Variants in PHC3 observed in about 807,000 individuals in gnomAD.
PHC3 encodes polyhomeotic-like protein 3.
In PHC3, 13 loss-of-function variants were observed where a neutral mutation model predicts 107.4. The ratio of observed to expected loss-of-function variants is 0.12; its 90% confidence interval spans 0.08 to 0.19. The LOEUF (loss-of-function observed/expected upper bound fraction) is 0.19, where lower values mean the gene tolerates loss of function less well. Among genes scored for constraint, PHC3 ranks in the 10% least tolerant of loss-of-function variants. The pLI is 1.00. For synonymous variants in PHC3, 456 were observed against 427.4 expected, an observed-to-expected ratio of 1.07 and a Z score of -0.83; for missense variants, 992 against 1,210.9, an observed-to-expected ratio of 0.82 and a Z score of 2.68.
chr3:170,087,609 A>G lies in PHC3; in HGVS notation c.*9621T>C, dbSNP rs1043772440. The G allele has an allele frequency of 7.2e-5, 11 of 152,164 alleles. No homozygotes were observed. The highest frequency in any genetic ancestry group is 2.7e-4 in the African/African-American group (11 of 41,446). 9.4% of individuals were successfully genotyped at this position (152,164 alleles called of 1,614,324 possible). ...TCAAATGGAAGAGGCTTTTATTTGT[A>G]AAGAAATGAACTTACAACTGATCTA... On this transcript the variant is annotated 3_prime_UTR_variant, in exon 15 of 15. Transcript: ENST00000495893.
chr3:170,093,914 T>A lies in PHC3; in HGVS notation c.*3316A>T, dbSNP rs892876541. ...AAAATTATTTCTTCTAAGTAAAACA[T>A]GAATTTCACTTCAAAAGTGCAGAAA... On this transcript the variant is annotated 3_prime_UTR_variant, in exon 15 of 15. Transcript: ENST00000495893. The A allele has an allele frequency of 1.3e-5, 2 of 152,132 alleles. No homozygotes were observed. Among genetic ancestry groups the A allele is most frequent in the African/African-American group, 4.8e-5 (2 of 41,412 alleles). The allele number at this position is 152,132 out of a possible 1,614,324, so 9.4% of individuals were successfully genotyped here. A position where few individuals can be genotyped will look rare whatever the true frequency, so the allele number is the denominator to read the frequency against.
At chr3:170,137,414 C>CAA (rs1723278459) in intron 6 of PHC3, among the ~76,000 whole-genome samples, 1 of 152,034 alleles carries the variant, frequency 6.6e-6, no homozygotes, top group South Asian at 2.1e-4. Context: ...TTCCAAACAG[C>CAA]AAGATGCAAG....
intron 7 of PHC3, among the ~76,000 whole-genome samples, chr3:170,134,684 T>G (rs1722780970): frequency 6.6e-6 from 1 of 152,116 alleles, no homozygotes; most frequent in African/African-American, 2.4e-5. Flanking sequence ...CGTAAGTACG[T>G]ATAAGATACA....
chr3:170,112,572 G>A (rs1246229622), intron 11 of PHC3, among the ~76,000 whole-genome samples: 6 of 144,832 alleles, frequency 4.1e-5, no homozygotes, highest in African/African-American at 1.3e-4. Flanking sequence ...CACCCAGGCT[G>A]GAGCACAGTG....
At chr3:170,134,393 T>G (rs1722735175) in intron 7 of PHC3, among the ~76,000 whole-genome samples, 1 of 152,094 alleles carries the variant, frequency 6.6e-6, no homozygotes, top group African/African-American at 2.4e-5. Flanking sequence ...TTTCACCATG[T>G]TGGTCAGGCT....
intron 4 of PHC3, among the ~76,000 whole-genome samples, chr3:170,158,268 T>TGATCCTTAATTAAATACTCAATGC (rs1727213091): frequency 2.6e-5 from 4 of 152,166 alleles, no homozygotes; most frequent in Admixed American, 6.5e-5. Flanking sequence ...ATATTCAATG[T>TGATCCTTAATTAAATACTCAATGC]GATCCTTAAT....
At chr3:170,152,779 G>A (rs1475910199) in intron 4 of PHC3, among the ~76,000 whole-genome samples, 2 of 151,596 alleles carry the variant, frequency 1.3e-5, no homozygotes, top group Non-Finnish European at 2.9e-5. Context: ...TTCCACCTCA[G>A]CCTCCTGAGT....
chr3:170,125,272 A>C (rs980643897), intron 8 of PHC3, among the ~76,000 whole-genome samples: 1 of 152,192 alleles, frequency 6.6e-6, no homozygotes, highest in Non-Finnish European at 1.5e-5. Flanking sequence ...CAATATAGGT[A>C]AAATCATTCT....
intron 4 of PHC3, among the ~76,000 whole-genome samples, chr3:170,152,020 T>G (rs1042046702): frequency 6.6e-6 from 1 of 152,094 alleles, no homozygotes; most frequent in Non-Finnish European, 1.5e-5. Context: ...AAAAACTGTA[T>G]AGTAGGCACA....
At chr3:170,137,232 T>A (rs1290952360) in intron 6 of PHC3, among the ~76,000 whole-genome samples, 1 of 152,194 alleles carries the variant, frequency 6.6e-6, no homozygotes, top group Non-Finnish European at 1.5e-5. Flanking sequence ...GTGGTGTTAT[T>A]GAACATTCAC....
At chr3:170,160,738 T>C (rs1325081240) in intron 4 of PHC3, among the ~76,000 whole-genome samples, 1 of 152,188 alleles carries the variant, frequency 6.6e-6, no homozygotes, top group East Asian at 1.9e-4. Flanking sequence ...CTGTCTCTAC[T>C]GAAAACATAC....
At chr3:170,157,892 T>C (rs1727137979) in intron 4 of PHC3, among the ~76,000 whole-genome samples, 1 of 151,620 alleles carries the variant, frequency 6.6e-6, no homozygotes, top group African/African-American at 2.4e-5. Context: ...TATAATAAAA[T>C]AGTCAATGCA....
At position 170,118,883 on chromosome 3, in the gene PHC3, T is replaced by A. The variant is rs563355557; in HGVS notation, c.1943-1407A>T. Among the ~76,000 whole-genome samples the A allele has an allele frequency of 4.6e-5, 7 of 151,832 alleles. No homozygotes were observed. In the East Asian group the frequency reaches 1.4e-3, roughly 29 times the overall value. On this transcript the variant is annotated intron_variant, in intron 9 of 14. Transcript: ENST00000495893. Reference sequence around the variant, plus strand: ...CCTAGACTCAAGTGATCCTCCTGCCTCACCTCTCAAAGTGCAGGTATAAGC... The same window carrying A: ...CCTAGACTCAAGTGATCCTCCTGCCACACCTCTCAAAGTGCAGGTATAAGC...
At chr3:170,117,545 T>C (rs1049210948) in intron 9 of PHC3, 69 bp from the exon 10 acceptor site, 9 of 1,469,462 alleles carry the variant, frequency 6.1e-6, no homozygotes, top group Admixed American at 4.6e-5. Flanking sequence ...GAAAGAGAAT[T>C]AAGGAATAAA....
At chr3:170,141,319 TAGAG>T (rs1404478584) in intron 6 of PHC3, among the ~76,000 whole-genome samples, 1 of 152,150 alleles carries the variant, frequency 6.6e-6, no homozygotes, top group Non-Finnish European at 1.5e-5. Flanking sequence ...ACAATATCCA[TAGAG>T]AAATTCCTAA....
intron 4 of PHC3, among the ~76,000 whole-genome samples, chr3:170,157,915 T>C (rs1727142643): frequency 6.6e-6 from 1 of 151,692 alleles, no homozygotes; most frequent in South Asian, 2.1e-4. Flanking sequence ...TTTACTTATA[T>C]TAGCAAAAAG....
rs760458915 is a variant in PHC3, at chr3:170,092,868, G to C, written c.*4362C>G. The C allele has an allele frequency of 1.3e-5, 2 of 152,188 alleles. No homozygotes were observed. The highest frequency in any genetic ancestry group is 2.9e-5 in the Non-Finnish European group (2 of 68,036). The allele number at this position is 152,188 out of a possible 1,614,324, so 9.4% of individuals were successfully genotyped here. A position where few individuals can be genotyped will look rare whatever the true frequency, so the allele number is the denominator to read the frequency against. ...GTGGGTATAGAGAGTGAAAGAATGA[G>C]TCTGATTACAGGTAAATCTTGACAT... On this transcript the variant is annotated 3_prime_UTR_variant, in exon 15 of 15. Transcript: ENST00000495893.
chr3:170,102,294 T>C, intron 14 of PHC3, 185 bp downstream of exon 14: 1 of 985,332 alleles, frequency 1.0e-6, no homozygotes, highest in Non-Finnish European at 1.2e-6. Flanking sequence ...TATGAGAAAA[T>C]ACCCAGTAGT....
At chr3:170,135,882 G>A (rs1722991097) in intron 7 of PHC3, among the ~76,000 whole-genome samples, 1 of 152,134 alleles carries the variant, frequency 6.6e-6, no homozygotes, top group African/African-American at 2.4e-5. Context: ...AGTAAAGGAA[G>A]CAAAGGTAGA....
Sources: allele counts gnomAD v4.1 joint callset (sites outside exome capture counted in the v4.1 genomes callset), GRCh38; gene constraint gnomAD v4.1.1; transcripts MANE v1.5; gene names NCBI Gene and HGNC (gene_info 2026-07-23, HGNC 2026-07-21).